THSD4: variants seen among roughly 807,000 people sequenced by gnomAD.
THSD4 encodes the protein thrombospondin type 1 domain containing 4.
A neutral mutation model predicts 119.0 loss-of-function variants in THSD4; 69 were observed. That is an observed-to-expected ratio of 0.58 (90% CI 0.48 to 0.71). THSD4 has a LOEUF of 0.71. THSD4 is among the 30% of genes least tolerant of loss of function. The pLI is 0.00. For synonymous variants in THSD4, 524 were observed against 540.4 expected, an observed-to-expected ratio of 0.97 and a Z score of 0.42; for missense variants, 1,393 against 1,391.1, an observed-to-expected ratio of 1.00 and a Z score of -0.02.
chr15:71,740,528 C>T (rs2053214505), intron 11 of THSD4, among the ~76,000 whole-genome samples: 1 of 152,068 alleles, frequency 6.6e-6, no homozygotes, highest in Non-Finnish European at 1.5e-5. Flanking sequence ...AGCCCATAGG[C>T]CTTGTGTTGT....
chr15:71,541,525 A>T (rs1238687435), intron 7 of THSD4, among the ~76,000 whole-genome samples: 1 of 152,250 alleles, frequency 6.6e-6, no homozygotes, highest in Non-Finnish European at 1.5e-5. Flanking sequence ...AATTATAAAC[A>T]TGCATATGCA....
Position 71,664,203 on chromosome 15 carries a change from C to T in THSD4, c.1357+3469C>T, listed in dbSNP as rs373099912. ...TTCACCGTGTTAGCCAGGATGGTCT[C>T]GATCTCCTGACCTCGTGATCCGCCC... On this transcript the variant is annotated intron_variant, in intron 8 of 17. Coordinates refer to ENST00000261862, the MANE Select transcript of THSD4 (RefSeq NM_024817.3). 2.6e-5 allele frequency among the ~76,000 whole-genome samples: 4 copies of T among 151,996 alleles called. No individual in the cohort carries two copies. In the East Asian group the frequency reaches 7.7e-4, roughly 29 times the overall value.
At chr15:71,649,342 C>T (rs548460909) in intron 7 of THSD4, among the ~76,000 whole-genome samples, 1 of 152,216 alleles carries the variant, frequency 6.6e-6, no homozygotes, top group African/African-American at 2.4e-5. Flanking sequence ...GGTGTGATCT[C>T]AACTCACTGC....
chr15:71,345,115 C>G (rs191762612), intron 6 of THSD4, among the ~76,000 whole-genome samples: 3 of 143,876 alleles, frequency 2.1e-5, no homozygotes, highest in East Asian at 2.1e-4. Flanking sequence ...TAGCCTGGGT[C>G]TGTGATATTG....
At chr15:71,433,178 TA>T (rs753774726) in intron 7 of THSD4, among the ~76,000 whole-genome samples, 4 of 151,562 alleles carry the variant, frequency 2.6e-5, no homozygotes, top group Non-Finnish European at 4.4e-5. Context: ...CTTTGTGAAA[TA>T]AAAAGCCAAA....
At chr15:71,193,642 A>G (rs2043692219) in intron 3 of THSD4, among the ~76,000 whole-genome samples, 2 of 152,192 alleles carry the variant, frequency 1.3e-5, no homozygotes, top group South Asian at 4.1e-4. Context: ...AGATCATTGA[A>G]TCATGGGGGT....
chr15:71,646,515 T>A (rs573866571), intron 7 of THSD4, among the ~76,000 whole-genome samples: 2 of 152,328 alleles, frequency 1.3e-5, no homozygotes, highest in African/African-American at 4.8e-5. Context: ...AAGCTGGGAA[T>A]TGATATCATT....
chr15:71,588,032 C>T lies in THSD4; in HGVS notation c.1153-72498C>T, dbSNP rs535324496. ...TGTCAAGAATCTTGTCATGGCCGGG[C>T]GCGGTGGCTCACGCCTGTAATCCCA... On this transcript the variant is annotated intron_variant, in intron 7 of 17. Transcript: ENST00000261862. Among the ~76,000 whole-genome samples the T allele has an allele frequency of 2.0e-5, 3 of 148,770 alleles. No homozygotes were observed. The South Asian group carries it at 6.4e-4, about 32-fold the overall frequency.
At chr15:71,711,287 C>T (rs2052510833) in intron 8 of THSD4, among the ~76,000 whole-genome samples, 1 of 151,700 alleles carries the variant, frequency 6.6e-6, no homozygotes, top group South Asian at 2.1e-4. Flanking sequence ...CAGAAAATTC[C>T]CCTATATTCC....
intron 7 of THSD4, among the ~76,000 whole-genome samples, chr15:71,460,885 C>T (rs2047420672): frequency 6.6e-6 from 1 of 151,930 alleles, no homozygotes; most frequent in Non-Finnish European, 1.5e-5. Context: ...TTGTTGGCCC[C>T]CTACTATTTA....
intron 7 of THSD4, among the ~76,000 whole-genome samples, chr15:71,479,084 A>ATTT (rs59172567): frequency 6.3e-5 from 8 of 126,896 alleles, no homozygotes; most frequent in African/African-American, 1.2e-4. Flanking sequence ...GGCAGAGTGT[A>ATTT]TTTTTTTTTT....
At chr15:71,448,541 T>TTTTAAA (rs2047220866) in intron 7 of THSD4, among the ~76,000 whole-genome samples, 1 of 152,222 alleles carries the variant, frequency 6.6e-6, no homozygotes, top group South Asian at 2.1e-4. Context: ...GTAATGATTC[T>TTTTAAA]TTTAAATTTA....
At chr15:71,330,175 C>T (rs572367776) in intron 6 of THSD4, among the ~76,000 whole-genome samples, 138 of 152,104 alleles carry the variant, frequency 9.1e-4, no homozygotes, top group African/African-American at 3.1e-3. Context: ...GGGAGCTGCC[C>T]TGGGTGTGCC....
Position 71,507,325 on chromosome 15 carries a change from A to G in THSD4, c.1152+95502A>G, listed in dbSNP as rs192620594. ...TCTGAGTTTCTTACTTGGGGTGTCAAATTATATTCCAGGAACCAATTTGGG... is the reference window on the plus strand; with the variant it reads ...TCTGAGTTTCTTACTTGGGGTGTCAGATTATATTCCAGGAACCAATTTGGG... On this transcript the variant is annotated intron_variant, in intron 7 of 17. Transcript: ENST00000261862. Among the ~76,000 whole-genome samples, 14 of 152,304 alleles carry G rather than the reference A, an allele frequency of 9.2e-5. No homozygotes were observed. In the East Asian group the frequency reaches 2.7e-3, roughly 29 times the overall value.
At chr15:71,331,064 G>T (rs1028190820) in intron 6 of THSD4, among the ~76,000 whole-genome samples, 1 of 152,192 alleles carries the variant, frequency 6.6e-6, no homozygotes, top group African/African-American at 2.4e-5. Context: ...CCTCTCAGTG[G>T]CCTTTGGCTG....
At chr15:71,539,560 G>T (rs1379187663) in intron 7 of THSD4, among the ~76,000 whole-genome samples, 1 of 152,082 alleles carries the variant, frequency 6.6e-6, no homozygotes, top group Non-Finnish European at 1.5e-5. Flanking sequence ...TGTGGTTTTA[G>T]GCATCATATG....
intron 3 of THSD4, among the ~76,000 whole-genome samples, chr15:71,155,452 T>A (rs1015776279): frequency 6.6e-6 from 1 of 152,104 alleles, no homozygotes; most frequent in African/African-American, 2.4e-5. Flanking sequence ...GACATGAGAT[T>A]TGGGTGGGGA....
At chr15:71,563,887 A>G (rs1287283682) in intron 7 of THSD4, among the ~76,000 whole-genome samples, 1 of 151,820 alleles carries the variant, frequency 6.6e-6, no homozygotes, top group Non-Finnish European at 1.5e-5. Context: ...CAGACCTCAG[A>G]TGTGCTGCTC....
intron 2 of THSD4, among the ~76,000 whole-genome samples, chr15:71,144,797 A>G (rs1259550145): frequency 6.6e-6 from 1 of 152,218 alleles, no homozygotes; most frequent in Non-Finnish European, 1.5e-5. Flanking sequence ...CTAAGATTCT[A>G]ACTCTCGATG....
Sources: allele counts gnomAD v4.1 joint callset (sites outside exome capture counted in the v4.1 genomes callset), GRCh38; gene constraint gnomAD v4.1.1; transcripts MANE v1.5; gene names NCBI Gene and HGNC (gene_info 2026-07-23, HGNC 2026-07-21).